Variants in EMP2 observed in about 807,000 individuals in gnomAD.
The protein encoded by EMP2 is epithelial membrane protein 2.
Under a neutral mutation model 13.7 loss-of-function variants are expected in EMP2, and 19 were observed. The observed-to-expected ratio is 1.38, with a 90% CI of 0.97 to 2.03. The LOEUF (loss-of-function observed/expected upper bound fraction) is 2.03, where lower values mean the gene tolerates loss of function less well. Ranked by LOEUF, EMP2 falls within the 30% of genes most tolerant of loss-of-function variation. The pLI, the probability that EMP2 is intolerant of heterozygous loss-of-function variation, is 0.00. For synonymous variants in EMP2, 97 were observed against 84.7 expected, an observed-to-expected ratio of 1.15 and a Z score of -0.80; for missense variants, 253 against 220.7, an observed-to-expected ratio of 1.15 and a Z score of -0.93.
intron 1 of EMP2, among the ~76,000 whole-genome samples, chr16:10,568,788 T>TC (rs2050927308): frequency 7.0e-6 from 1 of 143,160 alleles, no homozygotes; most frequent in Non-Finnish European, 1.5e-5. Flanking sequence ...TTCTTTTTTT[T>TC]TTTTTTTTTT....
At chr16:10,533,372 T>A (rs1020285455) in intron 4 of EMP2, among the ~76,000 whole-genome samples, 4 of 152,240 alleles carry the variant, frequency 2.6e-5, no homozygotes. Context: ...TTTATTTTAG[T>A]CTATTGGAAA....
At chr16:10,564,920 C>T (rs766869998) in intron 1 of EMP2, among the ~76,000 whole-genome samples, 32 of 152,104 alleles carry the variant, frequency 2.1e-4, no homozygotes, top group Non-Finnish European at 4.4e-4. Context: ...AACCTTATAT[C>T]GCAAATGAGA....
At chr16:10,547,926 T>G (rs1192314723) in intron 1 of EMP2, among the ~76,000 whole-genome samples, 9 of 151,948 alleles carry the variant, frequency 5.9e-5, no homozygotes, top group Non-Finnish European at 1.2e-4. Flanking sequence ...CCCAGCTACT[T>G]AGGAGGCTGA....
chr16:10,549,649 G>A (rs942810027), intron 1 of EMP2, among the ~76,000 whole-genome samples: 1 of 151,964 alleles, frequency 6.6e-6, no homozygotes. Context: ...TTGAAGTACA[G>A]TGCGAATCAG....
chr16:10,565,605 A>G (rs561044203), intron 1 of EMP2, among the ~76,000 whole-genome samples: 3 of 152,118 alleles, frequency 2.0e-5, no homozygotes, highest in Non-Finnish European at 4.4e-5. Context: ...GCAGAACCCT[A>G]ATATAGCATC....
At chr16:10,538,711 C>A (rs2050670105) in intron 3 of EMP2, among the ~76,000 whole-genome samples, 1 of 152,080 alleles carries the variant, frequency 6.6e-6, no homozygotes, top group African/African-American at 2.4e-5. Flanking sequence ...CACATGGGGG[C>A]AGGTCACAGT....
intron 1 of EMP2, among the ~76,000 whole-genome samples, chr16:10,578,885 C>A (rs1009070578): frequency 3.9e-5 from 6 of 152,364 alleles, no homozygotes; most frequent in Admixed American, 3.9e-4. Context: ...TGCCAAGGCC[C>A]CCGTGGGCAT....
intron 1 of EMP2, among the ~76,000 whole-genome samples, chr16:10,563,455 G>A (rs186974221): frequency 6.6e-6 from 1 of 152,318 alleles, no homozygotes; most frequent in East Asian, 1.9e-4. Flanking sequence ...GTCTCCCAAA[G>A]TGCTGGGATT....
intron 1 of EMP2, chr16:10,558,993 CCT>C (rs2050852978): frequency 6.6e-6 from 1 of 152,288 alleles, no homozygotes; most frequent in African/African-American, 2.4e-5. Context: ...TCAATACAGA[CCT>C]GAGATGTTCG....
At chr16:10,541,161 G>A (rs2050695161) in intron 3 of EMP2, among the ~76,000 whole-genome samples, 1 of 152,052 alleles carries the variant, frequency 6.6e-6, no homozygotes, top group East Asian at 1.9e-4. Context: ...CCAGCACTTT[G>A]GGAGGCCAAG....
chr16:10,554,036 T>TTTC (rs1491514360), intron 1 of EMP2, among the ~76,000 whole-genome samples: 25 of 54,502 alleles, frequency 4.6e-4, no homozygotes, highest in Non-Finnish European at 1.0e-3. Context: ...TCTTTCTTTC[T>TTTC]TTTTTTTTTT....
At chr16:10,537,861 T>C in intron 4 of EMP2, 67 bp downstream of exon 4, 6 of 1,582,416 alleles carry the variant, frequency 3.8e-6, no homozygotes, top group African/African-American at 1.3e-5. Flanking sequence ...GCTTCCCTCC[T>C]GGCGGCTGGG....
rs1186179882 is a variant in EMP2 at position 10,575,315 on chromosome 16, G to T, written c.-61+5234C>A. 2.3e-5 allele frequency among the ~76,000 whole-genome samples: 3 copies of T among 127,718 alleles called. No homozygotes were observed. In the Admixed American group the frequency reaches 3.0e-4, roughly 13 times the overall value. 83.8% of individuals were successfully genotyped at this position (127,718 alleles called of 152,430 possible). The stretch of plus-strand genomic sequence containing the variant: ...GTCGCCCAGGCTGGAGTGCAGTGGC[G>T]TGATCTTGGCTCACTGCAAGCTCCG... On this transcript the variant is annotated intron_variant, in intron 1 of 4. Transcript: ENST00000359543.
Position 10,552,025 on chromosome 16 carries a change from C to T in EMP2, c.-60-4348G>A, listed in dbSNP as rs551527106. 1.7e-4 allele frequency among the ~76,000 whole-genome samples: 26 copies of T among 152,138 alleles called. No individual in the cohort carries two copies. The East Asian group carries it at 3.5e-3, about 20-fold the overall frequency. Reference sequence around the variant, plus strand: ...CCAATGAACCAGCTTGGAGATTCTTCTAATTCTTTCAAAAAAGACAAATTC... The same window carrying T: ...CCAATGAACCAGCTTGGAGATTCTTTTAATTCTTTCAAAAAAGACAAATTC... On this transcript the variant is annotated intron_variant, in intron 1 of 4. Coordinates refer to ENST00000359543, the MANE Select transcript of EMP2 (RefSeq NM_001424.6).
intron 1 of EMP2, among the ~76,000 whole-genome samples, chr16:10,565,915 T>A (rs953929639): frequency 6.6e-6 from 1 of 152,202 alleles, no homozygotes; most frequent in Non-Finnish European, 1.5e-5. Context: ...TGATATTGCA[T>A]CTGCTCAATG....
At chr16:10,534,391 A>G (rs747285050) in intron 4 of EMP2, among the ~76,000 whole-genome samples, 1 of 152,182 alleles carries the variant, frequency 6.6e-6, no homozygotes, top group Non-Finnish European at 1.5e-5. Context: ...GTTATGTAAA[A>G]ATAGTAACTA....
rs2050750520 is a variant in EMP2, at chr16:10,547,675, GTGC to G, written c.-60-1_-59del. 1 of 1,537,138 alleles carries G rather than the reference GTGC, an allele frequency of 6.5e-7. No individual in the cohort carries two copies. The highest frequency in any genetic ancestry group is 9.0e-7 in the Non-Finnish European group (1 of 1,115,116). ...TCACGTTTAAAGCCCAGAGCGGGAT[GTGC>G]TGAAGAGGGTAAGAAAGAGAAATTC... On this transcript the variant is annotated splice_acceptor_variant and 5_prime_UTR_variant, in exon 2 of 5. Coordinates refer to ENST00000359543, the MANE Select transcript of EMP2 (RefSeq NM_001424.6). LOFTEE classifies it low-confidence loss of function (5UTR_SPLICE).
chr16:10,531,880 T>C lies in EMP2; in HGVS notation c.*1025A>G, dbSNP rs1352427845. The C allele has an allele frequency of 6.5e-6, 1 of 154,766 alleles. No individual in the cohort carries two copies. Among genetic ancestry groups the C allele is most frequent in the African/African-American group, 2.4e-5 (1 of 41,484 alleles). 9.6% of individuals were successfully genotyped at this position (154,766 alleles called of 1,614,324 possible). A position where few individuals can be genotyped will look rare whatever the true frequency, so the allele number is the denominator to read the frequency against. On this transcript the variant is annotated 3_prime_UTR_variant, in exon 5 of 5. Coordinates refer to ENST00000359543, the MANE Select transcript of EMP2 (RefSeq NM_001424.6). Reference sequence around the variant, plus strand: ...GCTGGACAAGAAGGGAGAGGCCTTCTGGGATAAGATGGGAAGGAGGCTGTA... The same window carrying C: ...GCTGGACAAGAAGGGAGAGGCCTTCCGGGATAAGATGGGAAGGAGGCTGTA...
At chr16:10,549,877 CTTTT>C (rs1376274380) in intron 1 of EMP2, among the ~76,000 whole-genome samples, 2 of 137,236 alleles carry the variant, frequency 1.5e-5, no homozygotes, top group African/African-American at 2.8e-5. Flanking sequence ...CTTTTTTTTT[CTTTT>C]TCTTTTTTTT....
Sources: allele counts gnomAD v4.1 joint callset (sites outside exome capture counted in the v4.1 genomes callset), GRCh38; gene constraint gnomAD v4.1.1; transcripts MANE v1.5; gene names NCBI Gene and HGNC (gene_info 2026-07-23, HGNC 2026-07-21).